Variants in LSM1 observed in about 807,000 individuals in gnomAD.
LSM1 encodes LSM1 homolog, mRNA degradation associated.
A neutral mutation model predicts 18.0 loss-of-function variants in LSM1; 13 were observed. The ratio of observed to expected loss-of-function variants is 0.72; its 90% CI spans 0.47 to 1.15. LSM1 has a LOEUF of 1.15. LSM1 is among the 50% of genes most tolerant of loss of function. The probability of loss-of-function intolerance (pLI) is 0.00; values close to 1 mark genes in which losing one functional copy is unlikely to be tolerated. For missense variants in LSM1, 152 were observed against 157.7 expected, an observed-to-expected ratio of 0.96 and a Z score of 0.19; for synonymous variants, 46 against 56.0, an observed-to-expected ratio of 0.82 and a Z score of 0.80.
At chr8:38,175,587 T>G (rs1803119462) in intron 1 of LSM1, among the ~76,000 whole-genome samples, 1 of 152,104 alleles carries the variant, frequency 6.6e-6, no homozygotes, top group African/African-American at 2.4e-5. Context: ...TTTTCGCTTT[T>G]GTATAGGACT....
At chr8:38,166,636 C>T (rs1029615872) in intron 3 of LSM1, among the ~76,000 whole-genome samples, 1 of 152,202 alleles carries the variant, frequency 6.6e-6, no homozygotes, top group Non-Finnish European at 1.5e-5. Flanking sequence ...CTCTGCCCTG[C>T]ATACTATTAC....
chr8:38,174,255 TG>T (rs1803078571), intron 1 of LSM1, among the ~76,000 whole-genome samples: 1 of 151,646 alleles, frequency 6.6e-6, no homozygotes, highest in African/African-American at 2.4e-5. Context: ...CAGTAACACA[TG>T]AGGGGAAGAA....
At chr8:38,166,507 G>A (rs1389611290) in intron 3 of LSM1, among the ~76,000 whole-genome samples, 1 of 152,160 alleles carries the variant, frequency 6.6e-6, no homozygotes, top group African/African-American at 2.4e-5. Flanking sequence ...TGAATGTACA[G>A]GTATTATTTG....
chr8:38,175,314 C>T (rs900560870), intron 1 of LSM1, among the ~76,000 whole-genome samples: 1 of 151,990 alleles, frequency 6.6e-6, no homozygotes, highest in African/African-American at 2.4e-5. Context: ...GCGATCTGCC[C>T]GCCTCGGCCC....
intron 2 of LSM1, 31 bp from the exon 3 acceptor site, chr8:38,169,948 T>C (rs777767327): frequency 1.3e-4 from 161 of 1,222,406 alleles, no homozygotes; most frequent in Non-Finnish European, 1.8e-4. Context: ...ACCAAAGATA[T>C]TTAGTTTAAA....
At chr8:38,165,756 C>CTATAGTCCCAGCTACT (rs1482604417) in intron 3 of LSM1, among the ~76,000 whole-genome samples, 1 of 151,306 alleles carries the variant, frequency 6.6e-6, no homozygotes, top group African/African-American at 2.4e-5. Context: ...TAACGTGTAC[C>CTATAGTCCCAGCTACT]TATAGTCCCA....
chr8:38,173,162 A>G (rs182502588), intron 1 of LSM1, among the ~76,000 whole-genome samples: 5 of 152,182 alleles, frequency 3.3e-5, no homozygotes, highest in African/African-American at 1.2e-4. Context: ...TTCCATGCCT[A>G]AAGTACTTTC....
chr8:38,172,092 GATA>G (rs1803039444), intron 1 of LSM1, 59 bp from the exon 2 acceptor site: 4 of 1,180,132 alleles, frequency 3.4e-6, no homozygotes, highest in Admixed American at 3.8e-5. Context: ...GAGTATTTAG[GATA>G]ATAATTAACA....
chr8:38,169,999 GAAA>G, intron 2 of LSM1, 82 bp from the exon 3 acceptor site: 1 of 666,798 alleles, frequency 1.5e-6, no homozygotes, highest in Non-Finnish European at 2.7e-6. Context: ...CAGTTATTTT[GAAA>G]AGATTTAGGT....
At position 38,176,276 on chromosome 8, in the gene LSM1, G is replaced by A. The variant is rs534797558; in HGVS notation, c.45C>T (p.Asp15=). 1.9e-6 allele frequency: 3 copies of A among 1,613,592 alleles called. No homozygotes were observed. The highest frequency in any genetic ancestry group is 2.7e-5 in the African/African-American group (2 of 75,068). ...ACCGGGAGGAGATAAACTACTCACT[G>A]TCAATGTCCTCGATGAGGCTGGCGG... is the stretch of plus-strand genomic sequence containing the variant. ...PGTASLIEDI[D]KKHLVLLRDG... is the part of the protein sequence containing the mutation. Residue 15 remains aspartate, a splice_region_variant and synonymous_variant, in exon 1 of 4, where the codon GAC becomes GAT. Coordinates refer to ENST00000311351, the MANE Select transcript of LSM1 (RefSeq NM_014462.3).
chr8:38,172,303 GTTTT>G (rs796403624), intron 1 of LSM1, among the ~76,000 whole-genome samples: 7 of 140,850 alleles, frequency 5.0e-5, no homozygotes, highest in African/African-American at 1.0e-4. Flanking sequence ...CCTTATGTTG[GTTTT>G]TTTTTTTTCC....
At chr8:38,166,799 C>T (rs1342964868) in intron 3 of LSM1, among the ~76,000 whole-genome samples, 2 of 152,192 alleles carry the variant, frequency 1.3e-5, no homozygotes, top group Admixed American at 6.5e-5. Context: ...GTATATATTA[C>T]CACCTGCCCT....
rs992238021 is a variant in LSM1, at chr8:38,176,440, G to A, written c.-120C>T. The A allele has an allele frequency of 5.1e-6, 4 of 779,358 alleles. No individual in the cohort carries two copies. Among genetic ancestry groups the A allele is most frequent in the South Asian group, 4.9e-5 (3 of 61,414 alleles). The allele number at this position is 779,358 out of a possible 1,614,324, so 48.3% of individuals were successfully genotyped here. On this transcript the variant is annotated 5_prime_UTR_variant, in exon 1 of 4. Coordinates refer to ENST00000311351, the MANE Select transcript of LSM1 (RefSeq NM_014462.3). ...AAGCCCGGAATCCCGACCGAGACCA[G>A]CACTTCTGCCCCGGCTTTCAGCCGC... is the stretch of plus-strand genomic sequence containing the variant.
Position 38,176,268 on chromosome 8 carries a change from T to G in LSM1, c.46+7A>C. On this transcript the variant is annotated splice_region_variant and intron_variant, in intron 1 of 3. Coordinates refer to ENST00000311351, the MANE Select transcript of LSM1 (RefSeq NM_014462.3). The stretch of plus-strand genomic sequence containing the variant: ...CGGGCTCCACCGGGAGGAGATAAAC[T>G]ACTCACTGTCAATGTCCTCGATGAG... The G allele has an allele frequency of 6.2e-7, 1 of 1,613,256 alleles. No individual in the cohort carries two copies.
chr8:38,171,213 G>A (rs765504353), intron 2 of LSM1, among the ~76,000 whole-genome samples: 20 of 152,200 alleles, frequency 1.3e-4, no homozygotes, highest in Non-Finnish European at 2.5e-4. Flanking sequence ...CTGCTTTGAA[G>A]TCATTTTACC....
intron 1 of LSM1, 54 bp downstream of exon 1, chr8:38,176,221 C>T: frequency 6.5e-7 from 1 of 1,535,910 alleles, no homozygotes; most frequent in South Asian, 1.1e-5. Context: ...GAGGCGCCCG[C>T]CCGGGAGGAA....
chr8:38,171,233 T>C (rs538071564), intron 2 of LSM1, among the ~76,000 whole-genome samples: 1 of 152,332 alleles, frequency 6.6e-6, no homozygotes, highest in African/African-American at 2.4e-5. Flanking sequence ...CCTGCCAATG[T>C]AGAAATAAGC....
chr8:38,175,451 G>A (rs778872875), intron 1 of LSM1, among the ~76,000 whole-genome samples: 1 of 152,156 alleles, frequency 6.6e-6, no homozygotes, highest in Non-Finnish European at 1.5e-5. Context: ...AAAACTATGT[G>A]TAAATCATCT....
chr8:38,171,079 G>A, intron 2 of LSM1: 2 of 387,118 alleles, frequency 5.2e-6, no homozygotes, highest in Non-Finnish European at 1.1e-5. Flanking sequence ...AAAGACAGAG[G>A]CCTCTTATTC....
Sources: gnomAD v4.1 joint callset for allele counts (sites outside exome capture counted in the v4.1 genomes callset) on GRCh38, gnomAD v4.1.1 for gene constraint, MANE v1.5 for transcripts, NCBI Gene and HGNC (gene_info 2026-07-23, HGNC 2026-07-21) for gene names.